RNF182: variants seen among roughly 807,000 people sequenced by gnomAD.
The protein encoded by RNF182 is E3 ubiquitin-protein ligase RNF182.
Under a neutral mutation model 14.4 loss-of-function variants are expected in RNF182, and 15 were observed. The observed-to-expected ratio is 1.04, with a 90% CI of 0.70 to 1.60. The LOEUF (loss-of-function observed/expected upper bound fraction) is 1.60, where lower values mean the gene tolerates loss of function less well. Ranked by LOEUF, RNF182 falls within the 40% of genes most tolerant of loss-of-function variation. RNF182 has a pLI of 0.00. For missense variants in RNF182, 268 were observed against 294.8 expected, an observed-to-expected ratio of 0.91 and a Z score of 0.67; for synonymous variants, 128 against 122.9, an observed-to-expected ratio of 1.04 and a Z score of -0.27.
At chr6:13,953,654 C>A (rs1044555630) in intron 1 of RNF182, among the ~76,000 whole-genome samples, 5 of 152,128 alleles carry the variant, frequency 3.3e-5, no homozygotes, top group African/African-American at 1.2e-4. Flanking sequence ...AGTAGACAAT[C>A]AGGAGAGATT....
At chr6:13,935,517 G>T (rs1759085541) in intron 1 of RNF182, among the ~76,000 whole-genome samples, 1 of 152,176 alleles carries the variant, frequency 6.6e-6, no homozygotes, top group African/African-American at 2.4e-5. Flanking sequence ...GCAGATTAGA[G>T]TTGGAAGTCC....
chr6:13,944,429 T>C (rs1033165015), intron 1 of RNF182, among the ~76,000 whole-genome samples: 2 of 152,110 alleles, frequency 1.3e-5, no homozygotes, highest in Non-Finnish European at 2.9e-5. Flanking sequence ...GGAGGGTTGA[T>C]GAAATGGGTT....
chr6:13,965,999 C>T (rs1452784594), intron 1 of RNF182, among the ~76,000 whole-genome samples: 12 of 152,060 alleles, frequency 7.9e-5, no homozygotes, highest in Admixed American at 7.9e-4. Flanking sequence ...TTTGAGTGGA[C>T]TGGAAGTACT....
chr6:13,926,392 G>A (rs1758826372), intron 1 of RNF182, among the ~76,000 whole-genome samples: 1 of 152,156 alleles, frequency 6.6e-6, no homozygotes. Flanking sequence ...ACACCTGTTA[G>A]CCTGCTGATT....
intron 1 of RNF182, among the ~76,000 whole-genome samples, chr6:13,956,637 T>C (rs553414884): frequency 2.6e-5 from 4 of 152,172 alleles, no homozygotes; most frequent in Admixed American, 6.5e-5. Flanking sequence ...TCCTTTGCGT[T>C]AGACTACTCT....
rs9357947 is a variant in RNF182, at chr6:13,942,364, C to T, written c.-367+17341C>T. On this transcript the variant is annotated intron_variant, in intron 1 of 2. Transcript: ENST00000488300. ...TAATTAAAAAAAATTTTTTTTGAGA[C>T]AAAATCTTGCTCTGTGGCCCAGGCT... Among the ~76,000 whole-genome samples, 1,232 of 152,136 alleles carry T rather than the reference C, an allele frequency of 8.1e-3. 67 individuals are homozygous for T. The East Asian group carries it at 0.13, about 16-fold the overall frequency.
intron 1 of RNF182, among the ~76,000 whole-genome samples, chr6:13,937,140 A>G (rs539393497): frequency 2.1e-3 from 314 of 152,350 alleles, no homozygotes; most frequent in Middle Eastern, 6.8e-3. Flanking sequence ...AGACATAGGA[A>G]GCATTACTTT....
chr6:13,935,417 G>C lies in RNF182; in HGVS notation c.-367+10394G>C, dbSNP rs116796806. Among the ~76,000 whole-genome samples the C allele has an allele frequency of 9.4e-3, 1,423 of 152,094 alleles. 22 individuals carry two copies. The highest frequency in any genetic ancestry group is 0.032 in the African/African-American group (1,309 of 41,478). The stretch of plus-strand genomic sequence containing the variant: ...CATTTTCCATATTTCACACACACAA[G>C]ATATGTGTGTGTATCATGACCAAAT... On this transcript the variant is annotated intron_variant, in intron 1 of 2. Coordinates refer to ENST00000488300, the MANE Select transcript of RNF182 (RefSeq NM_152737.4).
chr6:13,958,606 T>G (rs1022969470), intron 1 of RNF182, among the ~76,000 whole-genome samples: 1 of 152,208 alleles, frequency 6.6e-6, no homozygotes, highest in East Asian at 1.9e-4. Flanking sequence ...TTATGATAGG[T>G]GCTTGTGCTA....
chr6:13,972,626 A>ATGTACAGCTCAGCCCATGACTTCAGAGGG (rs1760218521), intron 1 of RNF182, among the ~76,000 whole-genome samples: 1 of 152,194 alleles, frequency 6.6e-6, no homozygotes, highest in Non-Finnish European at 1.5e-5. Context: ...AAAGGGGTCA[A>ATGTACAGCTCAGCCCATGACTTCAGAGGG]TGTACAGCTC....
At chr6:13,953,323 C>G (rs1759642561) in intron 1 of RNF182, among the ~76,000 whole-genome samples, 1 of 152,176 alleles carries the variant, frequency 6.6e-6, no homozygotes, top group African/African-American at 2.4e-5. Context: ...ACACAGTGGA[C>G]AGGTGAGTTA....
intron 1 of RNF182, among the ~76,000 whole-genome samples, chr6:13,951,686 A>G (rs112371804): frequency 1.3e-5 from 2 of 152,192 alleles, no homozygotes; most frequent in African/African-American, 4.8e-5. Flanking sequence ...CCAGCATGCC[A>G]GGTTTCTGGG....
intron 1 of RNF182, among the ~76,000 whole-genome samples, chr6:13,971,253 G>T (rs1351441804): frequency 6.6e-6 from 1 of 152,114 alleles, no homozygotes; most frequent in Non-Finnish European, 1.5e-5. Context: ...TCTCATGATA[G>T]TAAGTTCTCA....
At position 13,977,168 on chromosome 6, in the gene RNF182, G is replaced by A. The variant is rs1267495412; in HGVS notation, c.49G>A (p.Glu17Lys). 6.2e-7 allele frequency: 1 copy of A among 1,614,116 alleles called. No homozygotes were observed. The highest frequency in any genetic ancestry group is 1.3e-5 in the African/African-American group (1 of 75,038). ...EDTAESQASDELECKICYNRY... is the reference protein window; with the variant it reads ...EDTAESQASDKLECKICYNRY... ...CACTGCGGAGTCTCAGGCCTCTGATGAGCTGGAGTGCAAAATCTGTTACAA... is the reference window on the plus strand; with the variant it reads ...CACTGCGGAGTCTCAGGCCTCTGATAAGCTGGAGTGCAAAATCTGTTACAA... The change falls in exon 3 of 3, where the codon GAG becomes AAG. Residue 17 changes from glutamate to lysine, a missense_variant. Coordinates refer to ENST00000488300, the MANE Select transcript of RNF182 (RefSeq NM_152737.4).
At chr6:13,969,031 T>C (rs1760108237) in intron 1 of RNF182, among the ~76,000 whole-genome samples, 1 of 152,176 alleles carries the variant, frequency 6.6e-6, no homozygotes. Context: ...AAGGAATTTA[T>C]TGGCTCACAG....
chr6:13,946,235 C>T (rs967048702), intron 1 of RNF182, among the ~76,000 whole-genome samples: 1 of 151,304 alleles, frequency 6.6e-6, no homozygotes, highest in Non-Finnish European at 1.5e-5. Flanking sequence ...GGCACAATCT[C>T]AGCTCACTGC....
In RNF182 at chr6:13,952,549, C is replaced by G. The variant is rs572565544; in HGVS notation, c.-366-21661C>G. Among the ~76,000 whole-genome samples the G allele has an allele frequency of 2.0e-5, 3 of 152,190 alleles. No homozygotes were observed. The South Asian group carries it at 6.2e-4, about 32-fold the overall frequency. ...GTCCTTTACCTGGGATGAAATGTAT[C>G]CTACGGTTTATCCAAAGTCGGCCAA... On this transcript the variant is annotated intron_variant, in intron 1 of 2. Transcript: ENST00000488300.
chr6:13,946,470 ACTTATT>A (rs1759444880), intron 1 of RNF182, among the ~76,000 whole-genome samples: 1 of 152,120 alleles, frequency 6.6e-6, no homozygotes, highest in African/African-American at 2.4e-5. Flanking sequence ...TGACTGCAAA[ACTTATT>A]CTTAAACTAA....
intron 1 of RNF182, among the ~76,000 whole-genome samples, chr6:13,932,032 A>G (rs1470522251): frequency 1.3e-5 from 2 of 152,222 alleles, no homozygotes; most frequent in African/African-American, 4.8e-5. Context: ...CTAATCTGCC[A>G]GCACCTTAAT....
Sources: gnomAD v4.1 joint callset for allele counts (sites outside exome capture counted in the v4.1 genomes callset) on GRCh38, gnomAD v4.1.1 for gene constraint, MANE v1.5 for transcripts, NCBI Gene and HGNC (gene_info 2026-07-23, HGNC 2026-07-21) for gene names.